Variants in LRRC41 observed in about 807,000 individuals in gnomAD.
LRRC41 encodes the protein leucine rich repeat containing 41, also known as leucine-rich repeat-containing protein 41.
A neutral mutation model predicts 72.1 loss-of-function variants in LRRC41; 17 were observed. The observed-to-expected ratio is 0.24, with a 90% CI of 0.16 to 0.35. The LOEUF is 0.35. Among genes scored for constraint, LRRC41 ranks in the 10% least tolerant of loss-of-function variants. The pLI, the probability that LRRC41 is intolerant of heterozygous loss-of-function variation, is 1.00. For synonymous variants in LRRC41, 427 were observed against 431.0 expected, an observed-to-expected ratio of 0.99 and a Z score of 0.11; for missense variants, 759 against 1,065.0, an observed-to-expected ratio of 0.71 and a Z score of 4.00.
At chr1:46,296,162 C>G (rs1661121790) in intron 3 of LRRC41, among the ~76,000 whole-genome samples, 1 of 152,194 alleles carries the variant, frequency 6.6e-6, no homozygotes, top group African/African-American at 2.4e-5. Context: ...CGCCTGTAAT[C>G]CCAGCACTTT....
At chr1:46,296,710 C>T (rs1199480034) in intron 3 of LRRC41, 1 of 152,204 alleles carries the variant, frequency 6.6e-6, no homozygotes. Flanking sequence ...CCCTGCAGAA[C>T]ACCCTAGTGT....
chr1:46,287,943 C>G (rs187310783), intron 3 of LRRC41, among the ~76,000 whole-genome samples: 1 of 152,338 alleles, frequency 6.6e-6, no homozygotes, highest in East Asian at 1.9e-4. Flanking sequence ...GACTATTCTG[C>G]ACTTGATCTT....
chr1:46,301,656 A>C (rs1661226249), intron 1 of LRRC41, among the ~76,000 whole-genome samples: 2 of 142,802 alleles, frequency 1.4e-5, no homozygotes, highest in African/African-American at 2.6e-5. Context: ...TTTTCCCCAC[A>C]CCCCCTCCTC....
At position 46,286,457 on chromosome 1, in the gene LRRC41, A is replaced by G; in HGVS notation, c.400T>C (p.Ser134Pro). The stretch of plus-strand genomic sequence containing the variant: ...TCAATGGTCCCACGTAGAACATGGG[A>G]AAAAAAGGCCTCCATAAACTTGGCT... ...WRAKFMEAFF[S>P]HVLRGTIDVS... The change falls in exon 4 of 10, where the codon TCC becomes CCC. Residue 134 changes from serine (S) to proline (P), a missense_variant. Ser to Pro is a moderately conservative substitution (Grantham distance 74, BLOSUM62 -1). Coordinates refer to ENST00000617190, the MANE Select transcript of LRRC41 (RefSeq NM_006369.5). The surrounding 1 kb of genome is among the most constrained non-coding windows in gnomAD (Gnocchi z 5.5). 3 of 1,596,654 alleles carry G rather than the reference A, an allele frequency of 1.9e-6. No individual in the cohort carries two copies. The highest frequency in any genetic ancestry group is 1.3e-5 in the African/African-American group (1 of 74,120).
chr1:46,302,877 C>G lies in LRRC41; in HGVS notation c.199+247G>C. ...CCAGCCTGCTTCGCTCCAGACCGGG[C>G]CTCCTGGCCTCGCCCCCCGCGCCCC... is the stretch of plus-strand genomic sequence containing the variant. On this transcript the variant is annotated intron_variant, in intron 1 of 9. Coordinates refer to ENST00000617190, the MANE Select transcript of LRRC41 (RefSeq NM_006369.5). The surrounding 1 kb of genome is among the most constrained non-coding windows in gnomAD (Gnocchi z 4.7). The G allele has an allele frequency of 1.0e-6, 1 of 985,194 alleles. No individual in the cohort carries two copies. The highest frequency in any genetic ancestry group is 1.2e-6 in the Non-Finnish European group (1 of 829,848). 61.0% of individuals were successfully genotyped at this position (985,194 alleles called of 1,614,324 possible).
intron 3 of LRRC41, among the ~76,000 whole-genome samples, chr1:46,290,126 G>A (rs1358023319): frequency 1.3e-5 from 2 of 152,212 alleles, no homozygotes; most frequent in African/African-American, 4.8e-5. Context: ...AAAAATCATG[G>A]ACGAGGCATG....
rs1036082390 is a variant in LRRC41 at position 46,303,452 on chromosome 1, A to G, written c.-130T>C. 6.4e-6 allele frequency: 6 copies of G among 934,016 alleles called. No individual in the cohort carries two copies. Among genetic ancestry groups the G allele is most frequent in the African/African-American group, 5.0e-5 (3 of 59,454 alleles). The allele number at this position is 934,016 out of a possible 1,614,324, so 57.9% of individuals were successfully genotyped here. On this transcript the variant is annotated 5_prime_UTR_variant, in exon 1 of 10. Transcript: ENST00000617190. Reference sequence around the variant, plus strand: ...ATTCTAAAGAAATTTCGAAGAAATTAGCACACTTTCCAAGTCTCTTAGGAG... The same window carrying G: ...ATTCTAAAGAAATTTCGAAGAAATTGGCACACTTTCCAAGTCTCTTAGGAG...
In LRRC41 at chr1:46,277,881, T is replaced by C; in HGVS notation, c.*984A>G. On this transcript the variant is annotated 3_prime_UTR_variant, in exon 10 of 10. Coordinates refer to ENST00000617190, the MANE Select transcript of LRRC41 (RefSeq NM_006369.5). ...CACAAGAAGGCACTGAGCAGCTGTGTGGTGGATGAGGAGCAGGATGTAGAG... is the reference window on the plus strand; with the variant it reads ...CACAAGAAGGCACTGAGCAGCTGTGCGGTGGATGAGGAGCAGGATGTAGAG... 2 of 1,613,918 alleles carry C rather than the reference T, an allele frequency of 1.2e-6. No homozygotes were observed. The highest frequency in any genetic ancestry group is 1.7e-6 in the Non-Finnish European group (2 of 1,179,898).
At chr1:46,283,975 T>C (rs1343020490) in intron 4 of LRRC41, among the ~76,000 whole-genome samples, 1 of 152,064 alleles carries the variant, frequency 6.6e-6, no homozygotes. Context: ...AGAAAACATT[T>C]TTTAAGGTAG....
At chr1:46,303,005 G>A in intron 1 of LRRC41, 119 bp downstream of exon 1, 2 of 1,312,362 alleles carry the variant, frequency 1.5e-6, no homozygotes, top group East Asian at 6.2e-5. Flanking sequence ...CTACGAGCTG[G>A]CTTTCAGCGC....
At chr1:46,292,452 TACA>T (rs1185120663) in intron 3 of LRRC41, among the ~76,000 whole-genome samples, 1 of 152,182 alleles carries the variant, frequency 6.6e-6, no homozygotes, top group African/African-American at 2.4e-5. Context: ...CCAAGAAAGT[TACA>T]ACAATTTCTG....
chr1:46,300,973 G>T (rs543723850), intron 1 of LRRC41, among the ~76,000 whole-genome samples: 1 of 152,136 alleles, frequency 6.6e-6, no homozygotes, highest in Non-Finnish European at 1.5e-5. Context: ...TTGGCTGGGG[G>T]CTCAGCCAGT....
intron 1 of LRRC41, among the ~76,000 whole-genome samples, chr1:46,301,219 G>A (rs1046995628): frequency 2.0e-5 from 3 of 152,058 alleles, no homozygotes; most frequent in East Asian, 3.9e-4. Flanking sequence ...TTCTTCTTAA[G>A]CCGGGATTTT....
rs1040336505 is a variant in LRRC41, at chr1:46,302,249, G to A, written c.199+875C>T. On this transcript the variant is annotated intron_variant, in intron 1 of 9. Coordinates refer to ENST00000617190, the MANE Select transcript of LRRC41 (RefSeq NM_006369.5). This position sits in a 1 kb window ranked among gnomAD's most constrained non-coding sequence, Gnocchi z 4.7. ...CGCCCCCTGCCACGGCAGCCCGGCA[G>A]TCCGGGATCCCCGGGCCGTCGCCCC... 7.1e-6 allele frequency: 7 copies of A among 985,338 alleles called. No individual in the cohort carries two copies. The highest frequency in any genetic ancestry group is 4.7e-5 in the South Asian group (1 of 21,286). The allele number at this position is 985,338 out of a possible 1,614,324, so 61.0% of individuals were successfully genotyped here. A position where few individuals can be genotyped will look rare whatever the true frequency, so the allele number is the denominator to read the frequency against.
chr1:46,297,584 C>G lies in LRRC41; in HGVS notation c.336G>C (p.Lys112Asn). Residue 112 changes from lysine to asparagine, a missense_variant, in exon 3 of 10, where the codon AAG becomes AAC. Coordinates refer to ENST00000617190, the MANE Select transcript of LRRC41 (RefSeq NM_006369.5). ...TTACTTCCAAACTGGAAGGCCTTGT[C>G]TTCATCAGTTCATCCCAGAGTCGGC... Reference protein sequence around the residue: ...IWRRLWDELMKTRPSSLESVT... With the variant: ...IWRRLWDELMNTRPSSLESVT... 1 of 1,614,150 alleles carries G rather than the reference C, an allele frequency of 6.2e-7. No homozygotes were observed. The highest frequency in any genetic ancestry group is 2.2e-5 in the East Asian group (1 of 44,886).
intron 3 of LRRC41, among the ~76,000 whole-genome samples, chr1:46,288,820 A>C (rs1660939158): frequency 6.6e-6 from 1 of 152,258 alleles, no homozygotes; most frequent in Non-Finnish European, 1.5e-5. Flanking sequence ...AAGAGCAGGA[A>C]AAACAATACC....
chr1:46,302,891 C>T lies in LRRC41; in HGVS notation c.199+233G>A, dbSNP rs1213952488. On this transcript the variant is annotated intron_variant, in intron 1 of 9. Transcript: ENST00000617190. This position sits in a 1 kb window ranked among gnomAD's most constrained non-coding sequence, Gnocchi z 4.7. ...TCCAGACCGGGCCTCCTGGCCTCGC[C>T]CCCCGCGCCCCCGAGCCAGGCCGCG... The T allele has an allele frequency of 2.0e-6, 2 of 984,976 alleles. No individual in the cohort carries two copies. The highest frequency in any genetic ancestry group is 3.5e-5 in the African/African-American group (2 of 57,136). The allele number at this position is 984,976 out of a possible 1,614,324, so 61.0% of individuals were successfully genotyped here. A position where few individuals can be genotyped will look rare whatever the true frequency, so the allele number is the denominator to read the frequency against.
intron 3 of LRRC41, chr1:46,297,270 G>T: frequency 3.5e-6 from 1 of 285,440 alleles, no homozygotes; most frequent in Non-Finnish European, 6.7e-6. Context: ...ATTTCATTTT[G>T]TTAGATTTGA....
intron 3 of LRRC41, among the ~76,000 whole-genome samples, chr1:46,292,737 T>G (rs1183180757): frequency 6.6e-6 from 1 of 152,238 alleles, no homozygotes; most frequent in Non-Finnish European, 1.5e-5. Context: ...TTGTTGCAAA[T>G]GTTCTTTCCC....
Sources: gnomAD v4.1 joint callset for allele counts (sites outside exome capture counted in the v4.1 genomes callset) on GRCh38, gnomAD v4.1.1 for gene constraint, Gnocchi (gnomAD v3.1) non-coding constraint, MANE v1.5 for transcripts, NCBI Gene and HGNC (gene_info 2026-07-23, HGNC 2026-07-21) for gene names.